Variants in NCOA2 observed in about 807,000 individuals in gnomAD.
NCOA2 encodes nuclear receptor coactivator 2, also known as class E basic helix-loop-helix protein 75.
NCOA2 carries 21 observed loss-of-function variants against 145.1 expected under a neutral mutation model. The ratio of observed to expected loss-of-function variants is 0.14; its 90% CI spans 0.10 to 0.21. The LOEUF is 0.21. Ranked by LOEUF, NCOA2 falls within the 10% of genes least tolerant of loss-of-function variation. NCOA2 has a pLI of 1.00. For missense variants in NCOA2, 1,472 were observed against 1,837.6 expected (o/e 0.80, Z 3.64); for synonymous variants, 619 against 637.5 (o/e 0.97, Z 0.44).
At chr8:70,186,740 G>T (rs932427355) in intron 4 of NCOA2, among the ~76,000 whole-genome samples, 2 of 152,324 alleles carry the variant, frequency 1.3e-5, no homozygotes, top group South Asian at 4.1e-4. Context: ...TCACTGTATT[G>T]AGAGTAAGAG....
At chr8:70,367,079 T>A (rs141085841) in intron 1 of NCOA2, among the ~76,000 whole-genome samples, 284 of 152,372 alleles carry the variant, frequency 1.9e-3, no homozygotes, top group African/African-American at 6.3e-3. Flanking sequence ...AACCCGATCA[T>A]GTCTGACTTT....
chr8:70,309,707 T>G (rs1280508970), intron 1 of NCOA2, among the ~76,000 whole-genome samples: 1 of 151,980 alleles, frequency 6.6e-6, no homozygotes, highest in Non-Finnish European at 1.5e-5. Context: ...TCCCAACACT[T>G]TGGGAGGTCG....
chr8:70,419,513 G>C, the NCOA2 span, among the ~76,000 whole-genome samples: 1 of 151,610 alleles, frequency 6.6e-6, no homozygotes, highest in African/African-American at 2.4e-5. Context: ...CTTTCTTTAC[G>C]ATGGGCTCTT....
At chr8:70,137,323 G>A (rs1046984929) in intron 15 of NCOA2, among the ~76,000 whole-genome samples, 4 of 152,166 alleles carry the variant, frequency 2.6e-5, no homozygotes, top group African/African-American at 4.8e-5. Context: ...GATTACAGGC[G>A]TGAGCCACCG....
chr8:70,238,111 G>A (rs1046353877), intron 2 of NCOA2, among the ~76,000 whole-genome samples: 2 of 152,128 alleles, frequency 1.3e-5, no homozygotes, highest in African/African-American at 4.8e-5. Context: ...AGAAATGACA[G>A]GTTCATGGAT....
chr8:70,121,229 T>C, intron 22 of NCOA2, 73 bp downstream of exon 22: 1 of 1,222,840 alleles, frequency 8.2e-7, no homozygotes, highest in Non-Finnish European at 1.2e-6. Flanking sequence ...AATATATCTA[T>C]GCCACTTTTG....
intron 2 of NCOA2, among the ~76,000 whole-genome samples, chr8:70,249,803 A>T (rs1325067404): frequency 1.3e-5 from 2 of 151,314 alleles, no homozygotes; most frequent in African/African-American, 4.9e-5. Context: ...CCTCAACTAA[A>T]AATATGAAAA....
rs1408711590 is a variant in NCOA2 at position 70,128,699 on chromosome 8, G to C, written c.3603+3C>G. On this transcript the variant is annotated splice_donor_region_variant and intron_variant, in intron 17 of 22. Coordinates refer to ENST00000452400, the MANE Select transcript of NCOA2 (RefSeq NM_006540.4). ...ACTTCCCAGGTGCCATCGAAGAACA[G>C]ACCTGCTGTGCTTGGAGGCGATGCT... 5.0e-6 allele frequency: 8 copies of C among 1,612,726 alleles called. No homozygotes were observed. The highest frequency in any genetic ancestry group is 1.7e-5 in the Admixed American group (1 of 60,000).
intron 1 of NCOA2, among the ~76,000 whole-genome samples, chr8:70,358,318 AAAG>A (rs976394735): frequency 2.6e-5 from 4 of 152,228 alleles, no homozygotes; most frequent in Admixed American, 1.3e-4. Flanking sequence ...CAATATTGAA[AAAG>A]AAGAACAAAG....
In NCOA2 at chr8:70,213,887, A is replaced by T; in HGVS notation, c.259+16T>A. ...AACCAATTCAACTCTTCAAAATACTAATTCAGTCCTCTTACCTTGTTCTTT... is the reference window on the plus strand; with the variant it reads ...AACCAATTCAACTCTTCAAAATACTTATTCAGTCCTCTTACCTTGTTCTTT... On this transcript the variant is annotated intron_variant, in intron 4 of 22. Transcript: ENST00000452400. 1 of 1,557,678 alleles carries T rather than the reference A, an allele frequency of 6.4e-7. No homozygotes were observed. The highest frequency in any genetic ancestry group is 8.7e-7 in the Non-Finnish European group (1 of 1,152,418).
At chr8:70,205,832 C>T (rs1216117076) in intron 4 of NCOA2, among the ~76,000 whole-genome samples, 2 of 152,118 alleles carry the variant, frequency 1.3e-5, no homozygotes, top group African/African-American at 2.4e-5. Context: ...GTCACGAAGT[C>T]GGGGCAAATG....
intron 2 of NCOA2, among the ~76,000 whole-genome samples, chr8:70,229,917 A>G (rs1820986460): frequency 6.6e-6 from 1 of 152,194 alleles, no homozygotes; most frequent in Admixed American, 6.5e-5. Context: ...TGACTAACAC[A>G]TAGTGTTATC....
chr8:70,349,149 G>A (rs1808946189), intron 1 of NCOA2, among the ~76,000 whole-genome samples: 1 of 151,836 alleles, frequency 6.6e-6, no homozygotes. Context: ...TTATATTTGA[G>A]GTAAAATGAC....
At chr8:70,169,314 T>C (rs1008962724) in intron 6 of NCOA2, among the ~76,000 whole-genome samples, 3 of 151,674 alleles carry the variant, frequency 2.0e-5, no homozygotes, top group Non-Finnish European at 4.4e-5. Flanking sequence ...ACAGGGAGAG[T>C]AGGCTAAGGC....
At chr8:70,145,836 GC>G (rs1810999588) in intron 12 of NCOA2, among the ~76,000 whole-genome samples, 1 of 151,148 alleles carries the variant, frequency 6.6e-6, no homozygotes, top group African/African-American at 2.4e-5. Context: ...TCACTATATT[GC>G]CTAAGGTGGT....
the NCOA2 span, among the ~76,000 whole-genome samples, chr8:70,440,880 C>T: frequency 6.6e-6 from 1 of 150,550 alleles, no homozygotes; most frequent in Admixed American, 6.6e-5. Context: ...GACAGACTCT[C>T]AGGTCTTCAG....
intron 1 of NCOA2, among the ~76,000 whole-genome samples, chr8:70,353,896 G>A (rs908085737): frequency 6.6e-6 from 1 of 152,012 alleles, no homozygotes; most frequent in Admixed American, 6.6e-5. Context: ...CTTATAAATG[G>A]TTAAATATGG....
At chr8:70,284,065 CT>C (rs1165306252) in intron 2 of NCOA2, among the ~76,000 whole-genome samples, 1 of 152,182 alleles carries the variant, frequency 6.6e-6, no homozygotes, top group Non-Finnish European at 1.5e-5. Context: ...CACTAGATGA[CT>C]GCCAAGAATG....
chr8:70,445,306 G>A, the NCOA2 span, among the ~76,000 whole-genome samples: 1 of 152,216 alleles, frequency 6.6e-6, no homozygotes, highest in Non-Finnish European at 1.5e-5. Context: ...TAAATGCCAC[G>A]TGGGGAAAGG....
Sources: gnomAD v4.1 joint callset for allele counts (sites outside exome capture counted in the v4.1 genomes callset) on GRCh38, gnomAD v4.1.1 for gene constraint, MANE v1.5 for transcripts, NCBI Gene and HGNC (gene_info 2026-07-23, HGNC 2026-07-21) for gene names.